The following TENM4 variants were observed in gnomAD, a reference collection of about 807,000 sequenced individuals.
TENM4 encodes the protein teneurin-4.
In TENM4, 82 loss-of-function variants were observed where a neutral mutation model predicts 243.3. That is an observed-to-expected ratio of 0.34 (90% confidence interval 0.28 to 0.40). The LOEUF is 0.40. TENM4 is among the 10% of genes least tolerant of loss of function. The pLI, the probability that TENM4 is intolerant of heterozygous loss-of-function variation, is 1.00. For missense variants in TENM4, 3,138 were observed against 3,673.3 expected, an observed-to-expected ratio of 0.85 and a Z score of 3.77; for synonymous variants, 1,412 against 1,456.3, an observed-to-expected ratio of 0.97 and a Z score of 0.69.
chr11:79,000,002 AT>A (rs1858274179), intron 6 of TENM4, among the ~76,000 whole-genome samples: 1 of 152,254 alleles, frequency 6.6e-6, no homozygotes, highest in South Asian at 2.1e-4. Context: ...CACAGAGAAA[AT>A]TTTGAAAATT....
chr11:78,662,855 A>G (rs758488954), intron 32 of TENM4, among the ~76,000 whole-genome samples: 4 of 152,216 alleles, frequency 2.6e-5, no homozygotes, highest in Non-Finnish European at 5.9e-5. Flanking sequence ...AGACAGGCTG[A>G]CAAGACCACA....
chr11:78,713,463 A>C (rs1859447535), intron 25 of TENM4, among the ~76,000 whole-genome samples: 1 of 152,254 alleles, frequency 6.6e-6, no homozygotes. Context: ...TTGACTGCAG[A>C]GATGCCTTGG....
Position 79,385,817 on chromosome 11 carries a change from C to G in TENM4, c.-321+54692G>C, listed in dbSNP as rs182339145. Among the ~76,000 whole-genome samples, 581 of 152,286 alleles carry G rather than the reference C, an allele frequency of 3.8e-3. 14 individuals carry two copies. Among genetic ancestry groups the G allele is most frequent in the Admixed American group, 0.036 (555 of 15,300 alleles). On this transcript the variant is annotated intron_variant, in intron 1 of 33. Coordinates refer to ENST00000278550, the MANE Select transcript of TENM4 (RefSeq NM_001098816.3). ...GGCAGCACTTTTCCTAACACCATCTCTCTTAGTCTGTGGACACAGGATCCC... is the reference window on the plus strand; with the variant it reads ...GGCAGCACTTTTCCTAACACCATCTGTCTTAGTCTGTGGACACAGGATCCC...
At chr11:79,244,164 T>C (rs1416751240) in intron 2 of TENM4, among the ~76,000 whole-genome samples, 1 of 152,198 alleles carries the variant, frequency 6.6e-6, no homozygotes, top group Admixed American at 6.5e-5. Flanking sequence ...TGGATGGGCC[T>C]GAGAACTTGC....
At chr11:79,070,098 T>G (rs928699008) in intron 4 of TENM4, 89 bp from the exon 5 acceptor site, 1 of 1,412,692 alleles carries the variant, frequency 7.1e-7, no homozygotes, top group Admixed American at 2.8e-5. Flanking sequence ...TGCAGCCCTG[T>G]GGACAGAGAA....
intron 16 of TENM4, among the ~76,000 whole-genome samples, chr11:78,780,326 A>G (rs1376764780): frequency 6.6e-6 from 1 of 152,236 alleles, no homozygotes; most frequent in Non-Finnish European, 1.5e-5. Flanking sequence ...AAAATTTCTT[A>G]TATCTCATCT....
chr11:78,754,910 C>T (rs1856271788), intron 19 of TENM4, among the ~76,000 whole-genome samples: 1 of 152,172 alleles, frequency 6.6e-6, no homozygotes, highest in Non-Finnish European at 1.5e-5. Context: ...TGCTGGGCTT[C>T]CTTCATCTCA....
chr11:79,342,932 C>T (rs570307825), intron 1 of TENM4, among the ~76,000 whole-genome samples: 1 of 152,352 alleles, frequency 6.6e-6, no homozygotes, highest in South Asian at 2.1e-4. Flanking sequence ...CAAAACTGGG[C>T]CTCTGGGGGG....
chr11:78,928,883 T>C (rs549038138), intron 6 of TENM4, among the ~76,000 whole-genome samples: 9 of 152,320 alleles, frequency 5.9e-5, no homozygotes, highest in Middle Eastern at 3.4e-3. Flanking sequence ...GCTACATTTA[T>C]GAAAGGGGAG....
chr11:78,976,219 C>T (rs1423080430), intron 6 of TENM4, among the ~76,000 whole-genome samples: 1 of 150,928 alleles, frequency 6.6e-6, no homozygotes, highest in Admixed American at 6.6e-5. Context: ...GGCTTCCAGC[C>T]TAGGCCTCCT....
intron 27 of TENM4, among the ~76,000 whole-genome samples, chr11:78,707,787 G>A (rs1859293379): frequency 6.6e-6 from 1 of 152,210 alleles, no homozygotes; most frequent in Non-Finnish European, 1.5e-5. Context: ...ATTGTTTCAT[G>A]TATCTTCAGG....
Position 78,854,287 on chromosome 11 carries a change from T to C in TENM4, c.1498A>G (p.Arg500Gly), listed in dbSNP as rs1297070039. 5 of 1,519,152 alleles carry C rather than the reference T, an allele frequency of 3.3e-6. No individual in the cohort carries two copies. The South Asian group carries it at 6.3e-5, about 19-fold the overall frequency. 94.1% of individuals were successfully genotyped at this position (1,519,152 alleles called of 1,614,324 possible). A position where few individuals can be genotyped will look rare whatever the true frequency, so the allele number is the denominator to read the frequency against. The change falls in exon 12 of 34, where the codon AGG becomes GGG. Residue 500 changes from arginine to glycine, a missense_variant. By Grantham distance (125) the Arg-to-Gly change is moderately radical (BLOSUM62 -2). Coordinates refer to ENST00000278550, the MANE Select transcript of TENM4 (RefSeq NM_001098816.3). ...CGCGCCTCCTGGGTTAGGAGCCTCC[T>C]GCCATCCAGCAGCTCCACAAAGTCA... ...QFDFVELLDG[R>G]RLLTQEARSL... is the part of the protein sequence containing the mutation.
intron 19 of TENM4, 79 bp downstream of exon 19, chr11:78,756,726 C>T (rs1410825063): frequency 5.1e-6 from 7 of 1,372,598 alleles, no homozygotes; most frequent in Non-Finnish European, 7.0e-6. Context: ...CTCCCACCCC[C>T]ATTCATCCAA....
chr11:79,230,605 A>G (rs116963830), intron 2 of TENM4, among the ~76,000 whole-genome samples: 89 of 152,320 alleles, frequency 5.8e-4, no homozygotes, highest in Admixed American at 1.2e-3. Flanking sequence ...TTACAATGCT[A>G]TTAGAGGCTT....
rs529489089 is a variant in TENM4, at chr11:78,683,426, C to T, written c.5260+4628G>A. 3.0e-5 allele frequency among the ~76,000 whole-genome samples: 2 copies of T among 67,560 alleles called. 1 individual carries two copies. Among genetic ancestry groups the T allele is most frequent in the Non-Finnish European group, 6.3e-5 (2 of 31,592 alleles). The allele number at this position is 67,560 out of a possible 152,430, so 44.3% of individuals were successfully genotyped here. A position where few individuals can be genotyped will look rare whatever the true frequency, so the allele number is the denominator to read the frequency against. ...CTCAGACTGCTGTGCTAGCAATCAG[C>T]GAGATTCCGTGGGCGTAGGACCCTC... On this transcript the variant is annotated intron_variant, in intron 29 of 33. Transcript: ENST00000278550.
intron 7 of TENM4, among the ~76,000 whole-genome samples, chr11:78,901,289 A>T (rs1855923927): frequency 6.6e-6 from 1 of 152,120 alleles, no homozygotes; most frequent in South Asian, 2.1e-4. Context: ...AATAAAAATG[A>T]TTTTCTTTTC....
At chr11:78,690,713 T>G (rs1858798312) in intron 28 of TENM4, among the ~76,000 whole-genome samples, 2 of 152,180 alleles carry the variant, frequency 1.3e-5, no homozygotes, top group South Asian at 4.1e-4. Context: ...GGTTTTGCCC[T>G]GGTCATCTTA....
intron 12 of TENM4, among the ~76,000 whole-genome samples, chr11:78,836,735 A>G (rs1342504470): frequency 6.6e-6 from 1 of 152,216 alleles, no homozygotes. Flanking sequence ...TTCAAGATCT[A>G]GAGACCATCT....
chr11:79,091,255 T>C (rs1473901150), intron 4 of TENM4, among the ~76,000 whole-genome samples: 1 of 152,220 alleles, frequency 6.6e-6, no homozygotes, highest in African/African-American at 2.4e-5. Flanking sequence ...GAATGATTTA[T>C]AAAGTATCAG....
Sources: gnomAD v4.1 joint callset for allele counts (sites outside exome capture counted in the v4.1 genomes callset) on GRCh38, gnomAD v4.1.1 for gene constraint, MANE v1.5 for transcripts, NCBI Gene and HGNC (gene_info 2026-07-23, HGNC 2026-07-21) for gene names.